Variants in XRRA1 observed in about 807,000 individuals in gnomAD.
XRRA1 encodes the protein X-ray radiation resistance associated 1, also known as X-ray radiation resistance-associated protein 1.
A neutral mutation model predicts 80.2 loss-of-function variants in XRRA1; 69 were observed. That is an observed-to-expected ratio of 0.86 (90% confidence interval 0.71 to 1.05). The LOEUF is 1.05. Among genes scored for constraint, XRRA1 ranks in the 50% least tolerant of loss-of-function variants. The pLI is 0.00. For synonymous variants in XRRA1, 348 were observed against 389.9 expected (o/e 0.89, Z 1.27); for missense variants, 967 against 976.4 (o/e 0.99, Z 0.13).
At chr11:74,890,492 C>G (rs1481228582) in intron 10 of XRRA1, among the ~76,000 whole-genome samples, 3 of 152,100 alleles carry the variant, frequency 2.0e-5, no homozygotes, top group Non-Finnish European at 2.9e-5. Context: ...ATTAAAAGAA[C>G]TAGAGAAGCA....
intron 10 of XRRA1, among the ~76,000 whole-genome samples, chr11:74,883,596 C>T (rs1042978637): frequency 3.5e-4 from 54 of 152,208 alleles, no homozygotes; most frequent in African/African-American, 1.2e-3. Context: ...AAATTTATCT[C>T]TTCTTGCCTA....
Position 74,940,894 on chromosome 11 carries a change from G to A in XRRA1, c.-4-12C>T. The A allele has an allele frequency of 3.2e-6, 5 of 1,580,666 alleles. No homozygotes were observed. The highest frequency in any genetic ancestry group is 1.3e-5 in the African/African-American group (1 of 74,422). On this transcript the variant is annotated splice_polypyrimidine_tract_variant and intron_variant, in intron 2 of 18. Transcript: ENST00000684022. ...AGAAGGCCATCTCCCTGAGAGCCAG[G>A]CAAGGAAAGCAAGGAAGCAGAAGAG...
chr11:74,863,304 A>C, intron 10 of XRRA1: 1 of 458,170 alleles, frequency 2.2e-6, no homozygotes, highest in Non-Finnish European at 4.0e-6. Flanking sequence ...ATTTCATGAT[A>C]CTCTCCCTCA....
intron 10 of XRRA1, among the ~76,000 whole-genome samples, chr11:74,885,828 A>G (rs555455565): frequency 9.8e-5 from 15 of 152,352 alleles, no homozygotes; most frequent in Admixed American, 9.1e-4. Flanking sequence ...AATACTGGCA[A>G]ATCAAATCCA....
chr11:74,904,840 C>G (rs1157213529), intron 10 of XRRA1, among the ~76,000 whole-genome samples: 4 of 148,162 alleles, frequency 2.7e-5, no homozygotes, highest in Non-Finnish European at 5.9e-5. Context: ...ACACAACCTA[C>G]CAAGATAAAA....
At chr11:74,871,239 G>A (rs1349088817) in intron 10 of XRRA1, among the ~76,000 whole-genome samples, 35 of 152,208 alleles carry the variant, frequency 2.3e-4, no homozygotes, top group Admixed American at 2.2e-3. Context: ...TGAGGGACAT[G>A]CCTGCATCCA....
At chr11:74,945,834 T>C (rs1168787949) in intron 1 of XRRA1, among the ~76,000 whole-genome samples, 1 of 152,140 alleles carries the variant, frequency 6.6e-6, no homozygotes, top group Non-Finnish European at 1.5e-5. Context: ...AGGCATATTT[T>C]TGCTTGTTCC....
intron 2 of XRRA1, among the ~76,000 whole-genome samples, chr11:74,943,497 C>T (rs1429999902): frequency 7.7e-6 from 1 of 130,418 alleles, no homozygotes; most frequent in Non-Finnish European, 1.6e-5. Context: ...GTGAAGAAAG[C>T]TGGAGGCGAG....
intron 2 of XRRA1, among the ~76,000 whole-genome samples, chr11:74,942,896 G>A (rs1946618966): frequency 6.6e-6 from 1 of 152,210 alleles, no homozygotes; most frequent in Non-Finnish European, 1.5e-5. Context: ...CAGCAAGGGA[G>A]GAAAGGCTGA....
intron 10 of XRRA1, among the ~76,000 whole-genome samples, chr11:74,883,518 G>A (rs540175802): frequency 3.3e-5 from 5 of 151,556 alleles, no homozygotes; most frequent in African/African-American, 4.8e-5. Context: ...GTTCCTATTC[G>A]GCCATCTTGG....
intron 10 of XRRA1, among the ~76,000 whole-genome samples, chr11:74,865,656 A>C (rs1245894947): frequency 6.6e-6 from 1 of 152,180 alleles, no homozygotes; most frequent in African/African-American, 2.4e-5. Flanking sequence ...AGCCAATGAG[A>C]TGGACCACCA....
chr11:74,843,173 T>C lies in XRRA1; in HGVS notation c.*27A>G, dbSNP rs1201281509. 6.5e-7 allele frequency: 1 copy of C among 1,536,884 alleles called. No homozygotes were observed. The highest frequency in any genetic ancestry group is 1.7e-4 in the Middle Eastern group (1 of 5,914). Reference sequence around the variant, plus strand: ...GGGGAGAGCTGGGGCACAGGCCGGGTGGTGCACACAGCCCCCATGCACAGC... The same window carrying C: ...GGGGAGAGCTGGGGCACAGGCCGGGCGGTGCACACAGCCCCCATGCACAGC... On this transcript the variant is annotated 3_prime_UTR_variant, in exon 19 of 19. Transcript: ENST00000684022.
intron 10 of XRRA1, among the ~76,000 whole-genome samples, chr11:74,873,019 C>T (rs908613639): frequency 6.6e-6 from 1 of 152,154 alleles, no homozygotes; most frequent in African/African-American, 2.4e-5. Flanking sequence ...GACATTTTAG[C>T]TTGCATGGGG....
At chr11:74,946,009 C>T (rs1450329517) in intron 1 of XRRA1, among the ~76,000 whole-genome samples, 3 of 152,102 alleles carry the variant, frequency 2.0e-5, no homozygotes, top group Non-Finnish European at 4.4e-5. Flanking sequence ...GTTACCCAGG[C>T]TGGAGTGCAG....
chr11:74,864,259 T>C (rs1049208815), intron 10 of XRRA1: 3 of 152,124 alleles, frequency 2.0e-5, no homozygotes, highest in African/African-American at 7.2e-5. Context: ...TGAAAATAAC[T>C]CATACATGTG....
rs565319916 is a variant in XRRA1, at chr11:74,927,505, AAGAG to A, written c.425-21_425-18del. The A allele has an allele frequency of 2.6e-6, 4 of 1,523,934 alleles. No individual in the cohort carries two copies. The East Asian group carries it at 6.7e-5, about 26-fold the overall frequency. The allele number at this position is 1,523,934 out of a possible 1,614,324, so 94.4% of individuals were successfully genotyped here. On this transcript the variant is annotated intron_variant, in intron 6 of 18. Coordinates refer to ENST00000684022, the MANE Select transcript of XRRA1 (RefSeq NM_001378157.1). ...GAAATGCCTCTACATGGGGAAGAGA[AAGAG>A]AGAGTCTGCAGCTTGTAAAGGACTT...
intron 8 of XRRA1, among the ~76,000 whole-genome samples, chr11:74,920,712 A>T (rs1041427946): frequency 4.6e-5 from 7 of 152,246 alleles, no homozygotes; most frequent in African/African-American, 1.7e-4. Context: ...TCATCTAAAA[A>T]ATGTGGATAA....
chr11:74,944,323 T>C (rs1444854224), intron 2 of XRRA1, among the ~76,000 whole-genome samples: 3 of 152,176 alleles, frequency 2.0e-5, no homozygotes, highest in Non-Finnish European at 2.9e-5. Flanking sequence ...ATGGCACTCC[T>C]AGGACCAAGA....
intron 6 of XRRA1, among the ~76,000 whole-genome samples, chr11:74,929,073 T>C (rs1272641166): frequency 6.6e-6 from 1 of 152,224 alleles, no homozygotes; most frequent in African/African-American, 2.4e-5. Flanking sequence ...CAGACCACCC[T>C]GTCTCCTAAA....
Sources: gnomAD v4.1 joint callset for allele counts (sites outside exome capture counted in the v4.1 genomes callset) on GRCh38, gnomAD v4.1.1 for gene constraint, MANE v1.5 for transcripts, NCBI Gene and HGNC (gene_info 2026-07-23, HGNC 2026-07-21) for gene names.